DNAH3: variants seen among roughly 807,000 people sequenced by gnomAD.
DNAH3 encodes dynein axonemal heavy chain 3, also known as axonemal beta dynein heavy chain 3.
In DNAH3, 332 loss-of-function variants were observed where a neutral mutation model predicts 432.5. That is an observed-to-expected ratio of 0.77 (90% CI 0.70 to 0.84). DNAH3 has a LOEUF of 0.84. Ranked by LOEUF, DNAH3 falls within the 40% of genes least tolerant of loss-of-function variation. The pLI, the probability that DNAH3 is intolerant of heterozygous loss-of-function variation, is 0.00. For missense variants in DNAH3, 4,861 were observed against 5,114.0 expected, an observed-to-expected ratio of 0.95 and a Z score of 1.51; for synonymous variants, 1,956 against 1,900.2, an observed-to-expected ratio of 1.03 and a Z score of -0.76.
intron 18 of DNAH3, among the ~76,000 whole-genome samples, chr16:21,091,466 T>A (rs1321285766): frequency 6.6e-6 from 1 of 152,028 alleles, no homozygotes; most frequent in African/African-American, 2.4e-5. Flanking sequence ...GGACACAATA[T>A]TAACATTAAA....
exon 48 of DNAH3, chr16:20,985,298 C>T: frequency 1.2e-6 from 2 of 1,614,216 alleles, no homozygotes; most frequent in East Asian, 2.2e-5. Flanking sequence ...TTGGTGGCCA[C>T]ACCGACCTGC....
At chr16:21,078,442 G>C (rs919126184) in intron 20 of DNAH3, among the ~76,000 whole-genome samples, 1 of 152,130 alleles carries the variant, frequency 6.6e-6, no homozygotes, top group African/African-American at 2.4e-5. Flanking sequence ...TCAGCAGCGT[G>C]GTCACTGACT....
At chr16:21,111,799 G>A (rs767204663) in exon 14 of DNAH3, 20 of 1,612,798 alleles carry the variant, frequency 1.2e-5, no homozygotes, top group Non-Finnish European at 1.7e-5. Context: ...TTATGGCATT[G>A]ATCTTCTGCA....
At chr16:21,123,509 A>G (rs2092386739) in intron 9 of DNAH3, among the ~76,000 whole-genome samples, 1 of 152,208 alleles carries the variant, frequency 6.6e-6, no homozygotes, top group African/African-American at 2.4e-5. Context: ...CAAAGTAGAC[A>G]ATCACAATGA....
At chr16:20,984,805 C>CAG (rs543783333) in intron 48 of DNAH3, among the ~76,000 whole-genome samples, 98 of 152,208 alleles carry the variant, frequency 6.4e-4, no homozygotes, top group Non-Finnish European at 1.3e-3. Context: ...GCAGAGGTTG[C>CAG]AGTGAGCTGA....
At chr16:20,952,852 T>C (rs1364876235) in intron 55 of DNAH3, among the ~76,000 whole-genome samples, 1 of 152,124 alleles carries the variant, frequency 6.6e-6, no homozygotes, top group Non-Finnish European at 1.5e-5. Context: ...ATGGCGGTAA[T>C]GCACGGAGCT....
rs56049638 is a variant in DNAH3 at position 21,020,397 on chromosome 16, A to ATTT, written c.5777-531_5777-529dup. On this transcript the variant is annotated intron_variant, in intron 40 of 61. Transcript: ENST00000261383. ...TCACTATATATATATATATATATAT[A>ATTT]TTTTTTTTTTTTTTTTTTTTTTTGA... Among the ~76,000 whole-genome samples, 38 of 34,594 alleles carry ATTT rather than the reference A, an allele frequency of 1.1e-3. 1 individual carries two copies. Among genetic ancestry groups the ATTT allele is most frequent in the South Asian group, 6.0e-3 (3 of 498 alleles). The allele number at this position is 34,594 out of a possible 152,430, so 22.7% of individuals were successfully genotyped here. A position where few individuals can be genotyped will look rare whatever the true frequency, so the allele number is the denominator to read the frequency against.
intron 1 of DNAH3, among the ~76,000 whole-genome samples, chr16:21,149,226 CAA>C (rs36041463): frequency 5.3e-5 from 7 of 131,708 alleles, no homozygotes; most frequent in African/African-American, 1.1e-4. Context: ...CAAACTGTCT[CAA>C]AAAAAAAAAA....
At chr16:20,994,917 T>C (rs926564121) in intron 44 of DNAH3, among the ~76,000 whole-genome samples, 1 of 152,126 alleles carries the variant, frequency 6.6e-6, no homozygotes, top group African/African-American at 2.4e-5. Flanking sequence ...TTCTTTCTTG[T>C]GTTCCTCCTA....
chr16:21,113,452 C>CTTTAA (rs555800314), intron 12 of DNAH3, among the ~76,000 whole-genome samples: 2,203 of 136,938 alleles, frequency 0.016, 51 homozygotes, highest in African/African-American at 0.055. Flanking sequence ...TCACAGTTGT[C>CTTTAA]TTTAATTTTA....
chr16:21,084,687 G>T (rs903895454), intron 19 of DNAH3, among the ~76,000 whole-genome samples: 1 of 151,958 alleles, frequency 6.6e-6, no homozygotes, highest in African/African-American at 2.4e-5. Flanking sequence ...TGCCCAGGTT[G>T]GCCTCAAGCT....
intron 7 of DNAH3, among the ~76,000 whole-genome samples, chr16:21,133,288 G>C (rs944150040): frequency 1.3e-5 from 2 of 151,088 alleles, no homozygotes; most frequent in African/African-American, 4.9e-5. Flanking sequence ...GCTTCAGCTT[G>C]GGAGGAGGAG....
rs767109661 is a variant in DNAH3, at chr16:20,964,078, A to G, written c.9806T>C (p.Leu3269Pro). 7 of 1,614,210 alleles carry G rather than the reference A, an allele frequency of 4.3e-6. No homozygotes were observed. In the South Asian group the frequency reaches 6.6e-5, roughly 15 times the overall value. ...CTGTTTCTCTGAGATCTCTTCAGAT[A>G]GCACTTTGGAGGAGGACAGAACTTT... Residue 3269 changes from leucine to proline, a missense_variant, in exon 53 of 62, where the codon CTA becomes CCA. By Grantham distance (98) the Leu-to-Pro change is moderately conservative. Coordinates refer to ENST00000261383, the Ensembl canonical transcript of DNAH3.
rs751486123 is a variant in DNAH3, at chr16:20,963,563, G to C, written c.10321C>G (p.Gln3441Glu). The change falls in exon 53 of 62, where the codon CAG becomes GAG. Residue 3441 changes from glutamine (Q) to glutamate (E), a missense_variant. Transcript: ENST00000261383. ...ATCAGCTTCCATTCACCCAGGTTCT[G>C]TTCCAAATGCTCCATCAGGCCATGC... The C allele has an allele frequency of 6.8e-6, 11 of 1,613,924 alleles. No homozygotes were observed. The highest frequency in any genetic ancestry group is 1.1e-5 in the South Asian group (1 of 91,088).
intron 7 of DNAH3, among the ~76,000 whole-genome samples, chr16:21,129,640 G>C (rs1449120447): frequency 6.6e-6 from 1 of 152,056 alleles, no homozygotes; most frequent in Admixed American, 6.6e-5. Context: ...AGGAGGCTGA[G>C]GCAGGAGAAT....
At chr16:21,027,548 A>G (rs781433138) in intron 37 of DNAH3, among the ~76,000 whole-genome samples, 1 of 152,262 alleles carries the variant, frequency 6.6e-6, no homozygotes, top group Non-Finnish European at 1.5e-5. Flanking sequence ...CAAATAAAGT[A>G]TAACAAAGAG....
At chr16:21,155,366 G>A (rs1359121211) in intron 1 of DNAH3, among the ~76,000 whole-genome samples, 1 of 152,030 alleles carries the variant, frequency 6.6e-6, no homozygotes, top group Admixed American at 6.6e-5. Flanking sequence ...GCTCATGCCT[G>A]TAATCCCAAC....
At chr16:20,969,080 CTT>C (rs2085197001) in intron 52 of DNAH3, among the ~76,000 whole-genome samples, 2 of 127,808 alleles carry the variant, frequency 1.6e-5, no homozygotes, top group African/African-American at 6.4e-5. Flanking sequence ...TCTGCTTTTT[CTT>C]TCTCTGTGTG....
At chr16:21,034,412 A>G (rs1444400076) in intron 35 of DNAH3, among the ~76,000 whole-genome samples, 1 of 152,242 alleles carries the variant, frequency 6.6e-6, no homozygotes, top group African/African-American at 2.4e-5. Context: ...ACTGAGCCCA[A>G]GAGAGGTTAA....
Sources: allele counts gnomAD v4.1 joint callset (sites outside exome capture counted in the v4.1 genomes callset), GRCh38; gene constraint gnomAD v4.1.1; transcripts MANE v1.5; gene names NCBI Gene and HGNC (gene_info 2026-07-23, HGNC 2026-07-21).